LY6S: variants seen among roughly 807,000 people sequenced by gnomAD.
LY6S encodes the protein lymphocyte antigen 6S.
At chr8:143,055,576 A>C in the LY6S span, among the ~76,000 whole-genome samples, 2 of 152,248 alleles carry the variant, frequency 1.3e-5, no homozygotes, top group African/African-American at 2.4e-5. Flanking sequence ...AAAGAAAAAT[A>C]AAAATTTCCC....
chr8:143,054,701 C>T, the LY6S span, among the ~76,000 whole-genome samples: 2 of 152,214 alleles, frequency 1.3e-5, no homozygotes, highest in African/African-American at 2.4e-5. Flanking sequence ...CTGGCTACTA[C>T]GTCTCCCCCT....
At chr8:143,044,078 TGGGCAG>T in the LY6S span, 1 of 454,092 alleles carries the variant, frequency 2.2e-6, no homozygotes, top group South Asian at 1.6e-5. Flanking sequence ...GCTGAGGGCC[TGGGCAG>T]GCTGCAGCCC....
the LY6S span, among the ~76,000 whole-genome samples, chr8:143,056,758 C>A: frequency 6.6e-6 from 1 of 151,942 alleles, no homozygotes; most frequent in Admixed American, 6.5e-5. Flanking sequence ...ATTAACTGAA[C>A]AAAAAGTGAG....
chr8:143,055,094 T>G, the LY6S span, among the ~76,000 whole-genome samples: 1 of 152,222 alleles, frequency 6.6e-6, no homozygotes, highest in African/African-American at 2.4e-5. Flanking sequence ...TTTAGGAACT[T>G]CCATGGGAAC....
chr8:143,073,427 CGTCCTCGGGGTTCCTGTTTG>C, the LY6S span, among the ~76,000 whole-genome samples: 1 of 111,682 alleles, frequency 9.0e-6, no homozygotes, highest in Non-Finnish European at 1.8e-5. Flanking sequence ...AGACAGCCGT[CGTCCTCGGGGTTCCTGTTTG>C]AGGAGACAGC....
the LY6S span, among the ~76,000 whole-genome samples, chr8:143,043,615 G>A: frequency 9.2e-5 from 14 of 152,176 alleles, no homozygotes; most frequent in Non-Finnish European, 1.9e-4. Flanking sequence ...TGGGTGGGCT[G>A]TGGAGGGGAG....
chr8:143,063,844 G>A, the LY6S span, among the ~76,000 whole-genome samples: 1 of 152,152 alleles, frequency 6.6e-6, no homozygotes, highest in African/African-American at 2.4e-5. Flanking sequence ...CCTGCACCTG[G>A]TGAGGCTCAT....
chr8:143,047,026 T>TA, the LY6S span, among the ~76,000 whole-genome samples: 2 of 151,758 alleles, frequency 1.3e-5, no homozygotes, highest in African/African-American at 4.8e-5. Context: ...TGAATACAAA[T>TA]AAAAAATAAA....
chr8:143,059,399 G>A, the LY6S span, among the ~76,000 whole-genome samples: 2 of 151,748 alleles, frequency 1.3e-5, no homozygotes, highest in Non-Finnish European at 2.9e-5. Flanking sequence ...ATTTACTGAC[G>A]GTTTTTTTTT....
At chr8:143,060,490 C>T in the LY6S span, among the ~76,000 whole-genome samples, 7 of 152,186 alleles carry the variant, frequency 4.6e-5, no homozygotes, top group South Asian at 2.1e-4. Context: ...GAAATAATGA[C>T]GTAAGCTGTC....
At chr8:143,065,648 G>A in the LY6S span, among the ~76,000 whole-genome samples, 15 of 151,940 alleles carry the variant, frequency 9.9e-5, no homozygotes, top group African/African-American at 2.9e-4. Context: ...AGGGAGAGAC[G>A]CAGTATTGCC....
chr8:143,063,536 G>T, the LY6S span, among the ~76,000 whole-genome samples: 3 of 152,180 alleles, frequency 2.0e-5, no homozygotes, highest in African/African-American at 7.2e-5. Context: ...AGTTACCAAG[G>T]CATATGCAGC....
chr8:143,044,753 A>G, the LY6S span: 1 of 1,367,568 alleles, frequency 7.3e-7, no homozygotes. Flanking sequence ...ACGCTGCAGG[A>G]GGCCCCTTCC....
the LY6S span, among the ~76,000 whole-genome samples, chr8:143,065,540 A>C: frequency 2.0e-5 from 3 of 152,176 alleles, no homozygotes. Flanking sequence ...AACATTGGCC[A>C]AGCTGTGTTG....
At chr8:143,064,892 G>T in the LY6S span, among the ~76,000 whole-genome samples, 1 of 152,168 alleles carries the variant, frequency 6.6e-6, no homozygotes, top group Non-Finnish European at 1.5e-5. Context: ...TTTAAAACCA[G>T]CCATAGCTCA....
chr8:143,062,317 T>C, the LY6S span, among the ~76,000 whole-genome samples: 7 of 152,332 alleles, frequency 4.6e-5, no homozygotes, highest in African/African-American at 1.4e-4. Context: ...ACCAATAGAA[T>C]GTTCAAAATG....
At chr8:143,060,602 C>A in the LY6S span, among the ~76,000 whole-genome samples, 1 of 152,218 alleles carries the variant, frequency 6.6e-6, no homozygotes, top group African/African-American at 2.4e-5. Context: ...GACTCACACT[C>A]CTTACCCTGC....
At chr8:143,071,903 T>C in the LY6S span, among the ~76,000 whole-genome samples, 8 of 152,234 alleles carry the variant, frequency 5.3e-5, no homozygotes, top group African/African-American at 1.7e-4. Context: ...CAGAAGAGGG[T>C]GTGCTGGGTT....
chr8:143,045,883 T>A, the LY6S span, among the ~76,000 whole-genome samples: 6 of 150,920 alleles, frequency 4.0e-5, no homozygotes, highest in Non-Finnish European at 8.8e-5. The surrounding 1 kb of genome is among the most constrained non-coding windows in gnomAD (Gnocchi z 5.3). Flanking sequence ...TGAGCTGGAG[T>A]CTCACTGTTA....
Sources: allele counts gnomAD v4.1 joint callset (sites outside exome capture counted in the v4.1 genomes callset), GRCh38; gene constraint gnomAD v4.1.1; non-coding constraint Gnocchi (gnomAD v3.1); transcripts MANE v1.5; gene names NCBI Gene and HGNC (gene_info 2026-07-23, HGNC 2026-07-21).